The following PRUNE2 variants were observed in gnomAD, a reference collection of about 807,000 sequenced individuals.
The protein encoded by PRUNE2 is protein prune homolog 2.
Under a neutral mutation model 252.0 loss-of-function variants are expected in PRUNE2, and 164 were observed. That is an observed-to-expected ratio of 0.65 (90% CI 0.57 to 0.74). The LOEUF (loss-of-function observed/expected upper bound fraction) is 0.74, where lower values mean the gene tolerates loss of function less well. Among genes scored for constraint, PRUNE2 ranks in the 30% least tolerant of loss-of-function variants. The pLI, the probability that PRUNE2 is intolerant of heterozygous loss-of-function variation, is 0.00. For missense variants in PRUNE2, 3,495 were observed against 3,711.0 expected, an observed-to-expected ratio of 0.94 and a Z score of 1.51; for synonymous variants, 1,292 against 1,350.2, an observed-to-expected ratio of 0.96 and a Z score of 0.94.
chr9:76,710,009 G>A lies in PRUNE2; in HGVS notation c.2265C>T (p.Pro755=), dbSNP rs1453929589. 6.2e-7 allele frequency: 1 copy of A among 1,613,684 alleles called. No individual in the cohort carries two copies. The highest frequency in any genetic ancestry group is 1.7e-5 in the Admixed American group (1 of 59,984). ...MEKSPLPNTS[P]QGTNHLIEDF... is the part of the protein sequence containing the mutation. ...CTTCTATCAGGTGGTTTGTTCCTTG[G>A]GGAGATGTATTTGGCAAAGGTGACT... The change falls in exon 8 of 19, where the codon CCC becomes CCT. Residue 755 remains proline (P), a synonymous_variant. Transcript: ENST00000376718.
chr9:76,667,755 G>A (rs1348540574), intron 9 of PRUNE2, among the ~76,000 whole-genome samples: 1 of 152,190 alleles, frequency 6.6e-6, no homozygotes, highest in African/African-American at 2.4e-5. Flanking sequence ...TTCTGGAGGT[G>A]GAATCAGCAC....
chr9:76,867,765 G>T (rs566364968), intron 1 of PRUNE2, among the ~76,000 whole-genome samples: 60 of 152,210 alleles, frequency 3.9e-4, no homozygotes, highest in African/African-American at 1.3e-3. Flanking sequence ...TAGAGACAGG[G>T]TTTCACCATG....
At chr9:76,799,049 A>T (rs2056341053) in intron 6 of PRUNE2, among the ~76,000 whole-genome samples, 1 of 152,230 alleles carries the variant, frequency 6.6e-6, no homozygotes, top group Non-Finnish European at 1.5e-5. Context: ...ATTTAAGATC[A>T]GTGATTTTTG....
At chr9:76,851,998 C>T (rs1247964967) in intron 2 of PRUNE2, among the ~76,000 whole-genome samples, 1 of 152,232 alleles carries the variant, frequency 6.6e-6, no homozygotes, top group Non-Finnish European at 1.5e-5. Flanking sequence ...CTCACACCAT[C>T]ACCAGCTTGT....
chr9:76,630,799 T>C (rs1837303167), intron 15 of PRUNE2, among the ~76,000 whole-genome samples: 1 of 152,266 alleles, frequency 6.6e-6, no homozygotes, highest in South Asian at 2.1e-4. Flanking sequence ...GTGCTGGGAT[T>C]ACAGGCGTAA....
chr9:76,705,495 T>C lies in PRUNE2; in HGVS notation c.6779A>G (p.Gln2260Arg), dbSNP rs2046247406. 6.2e-7 allele frequency: 1 copy of C among 1,614,028 alleles called. No individual in the cohort carries two copies. The change falls in exon 8 of 19, where the codon CAG (glutamine) becomes CGG (arginine). Residue 2260 changes from glutamine to arginine, a missense_variant. Gln to Arg is a conservative substitution (Grantham distance 43). Transcript: ENST00000376718. The part of the protein sequence containing the change: ...WISDSFSPES[Q>R]PGARALFDGD... ...ATCAAACAAAGCTCTTGCACCAGGC[T>C]GACTTTCAGGAGAAAAGCTGTCTGA... is the stretch of plus-strand genomic sequence containing the variant.
intron 6 of PRUNE2, among the ~76,000 whole-genome samples, chr9:76,745,687 G>A (rs568667078): frequency 6.6e-6 from 1 of 152,228 alleles, no homozygotes; most frequent in East Asian, 1.9e-4. Flanking sequence ...GTAAAACTCT[G>A]ATCTCCCGTT....
chr9:76,662,984 T>C (rs1186573853), intron 9 of PRUNE2, among the ~76,000 whole-genome samples: 4 of 152,156 alleles, frequency 2.6e-5, no homozygotes, highest in Non-Finnish European at 5.9e-5. Flanking sequence ...CCTTCCCTCG[T>C]TAAGAATATC....
At chr9:76,615,585 C>A (rs1305965173) in intron 18 of PRUNE2, among the ~76,000 whole-genome samples, 4 of 152,086 alleles carry the variant, frequency 2.6e-5, no homozygotes, top group Non-Finnish European at 5.9e-5. Context: ...GGCCAAGTCA[C>A]CCACCTTCTC....
At chr9:76,666,264 A>C (rs946435187) in intron 9 of PRUNE2, among the ~76,000 whole-genome samples, 1 of 152,272 alleles carries the variant, frequency 6.6e-6, no homozygotes, top group East Asian at 1.9e-4. Context: ...AGACCTGGAA[A>C]GGGAGTCTCT....
At chr9:76,852,700 G>A (rs531299741) in intron 2 of PRUNE2, among the ~76,000 whole-genome samples, 1 of 152,324 alleles carries the variant, frequency 6.6e-6, no homozygotes, top group South Asian at 2.1e-4. Context: ...TTCTTAGTAT[G>A]AGACCTTTCA....
At chr9:76,760,710 C>T (rs748402935) in intron 6 of PRUNE2, among the ~76,000 whole-genome samples, 1 of 152,162 alleles carries the variant, frequency 6.6e-6, no homozygotes, top group African/African-American at 2.4e-5. Context: ...TCCTTCTAGA[C>T]TCACTCTACT....
rs772907940 is a variant in PRUNE2 at position 76,850,549 on chromosome 9, G to A, written c.258C>T (p.His86=). 32 of 1,613,318 alleles carry A rather than the reference G, an allele frequency of 2.0e-5. No homozygotes were observed. In the Admixed American group the frequency reaches 4.7e-4, roughly 24 times the overall value. Residue 86 remains histidine, a synonymous_variant, in exon 3 of 19, where the codon CAC becomes CAT. Transcript: ENST00000376718. Reference sequence around the variant, plus strand: ...GCAGGTTAATTTCATCCCGGAATATGTGGAATGATTCGGAAATATTTAGCT... The same window carrying A: ...GCAGGTTAATTTCATCCCGGAATATATGGAATGATTCGGAAATATTTAGCT... ...LEELNISESF[H]IFRDEINLHQ... is the part of the protein sequence containing the mutation.
chr9:76,634,981 T>C (rs927780307), intron 15 of PRUNE2, among the ~76,000 whole-genome samples: 6 of 152,142 alleles, frequency 3.9e-5, no homozygotes, highest in African/African-American at 1.4e-4. Flanking sequence ...ATATTTTTGT[T>C]TGTTTTTTGG....
chr9:76,743,298 C>G (rs2049812921), intron 6 of PRUNE2, among the ~76,000 whole-genome samples: 1 of 152,148 alleles, frequency 6.6e-6, no homozygotes, highest in African/African-American at 2.4e-5. Flanking sequence ...GGAAAATAAT[C>G]TGACACTATT....
Position 76,658,084 on chromosome 9 carries a change from C to A in PRUNE2, c.8277-2582G>T, listed in dbSNP as rs12349868. ...GGATATTAAAGAAGGCTAGGCCGGG[C>A]GCAGTGGCTCACGCCTATAATCCCA... On this transcript the variant is annotated intron_variant, in intron 9 of 18. Transcript: ENST00000376718. 1.2e-4 allele frequency among the ~76,000 whole-genome samples: 19 copies of A among 152,268 alleles called. No homozygotes were observed. The East Asian group carries it at 2.7e-3, about 22-fold the overall frequency.
chr9:76,801,202 T>C (rs1420577244), intron 6 of PRUNE2, among the ~76,000 whole-genome samples: 2 of 152,232 alleles, frequency 1.3e-5, no homozygotes, highest in African/African-American at 4.8e-5. Context: ...CAGTATTGCA[T>C]TAGGACTGCT....
chr9:76,899,817 C>A (rs2063064188), intron 1 of PRUNE2, among the ~76,000 whole-genome samples: 1 of 152,184 alleles, frequency 6.6e-6, no homozygotes, highest in Non-Finnish European at 1.5e-5. Context: ...TTAGAAGAGT[C>A]TTTTCTTTGT....
chr9:76,626,450 C>T (rs66911773), intron 16 of PRUNE2, among the ~76,000 whole-genome samples: 15,964 of 152,184 alleles, frequency 0.1, 924 homozygotes, highest in Non-Finnish European at 0.11. Flanking sequence ...AGGTCAGTAA[C>T]AGAAATGGCA....
Sources: allele counts gnomAD v4.1 joint callset (sites outside exome capture counted in the v4.1 genomes callset), GRCh38; gene constraint gnomAD v4.1.1; transcripts MANE v1.5; gene names NCBI Gene and HGNC (gene_info 2026-07-23, HGNC 2026-07-21).